The following AMOTL1 variants were observed in gnomAD, a reference collection of about 807,000 sequenced individuals.
AMOTL1 encodes the protein angiomotin-like protein 1.
AMOTL1 carries 45 observed loss-of-function variants against 102.9 expected under a neutral mutation model. The ratio of observed to expected loss-of-function variants is 0.44; its 90% CI spans 0.34 to 0.56. The LOEUF is 0.56. Ranked by LOEUF, AMOTL1 falls within the 20% of genes least tolerant of loss-of-function variation. The probability of loss-of-function intolerance (pLI) is 0.01; values close to 1 mark genes in which losing one functional copy is unlikely to be tolerated. For missense variants in AMOTL1, 1,114 were observed against 1,225.6 expected (o/e 0.91, Z 1.36); for synonymous variants, 481 against 484.7 (o/e 0.99, Z 0.10).
At chr11:94,746,856 ATTC>A (rs1271012695) in intron 3 of AMOTL1, among the ~76,000 whole-genome samples, 4 of 152,122 alleles carry the variant, frequency 2.6e-5, no homozygotes, top group African/African-American at 9.7e-5. Context: ...TGGCCACCTT[ATTC>A]TTCTTTGTAA....
intron 2 of AMOTL1, among the ~76,000 whole-genome samples, chr11:94,738,228 C>T (rs74781564): frequency 0.032 from 4,804 of 149,652 alleles, 258 homozygotes; most frequent in African/African-American, 0.11. Flanking sequence ...GGACATGAAT[C>T]GAAAATAAGA....
At chr11:94,823,606 T>G (rs555637415) in intron 4 of AMOTL1, among the ~76,000 whole-genome samples, 1 of 152,316 alleles carries the variant, frequency 6.6e-6, no homozygotes, top group South Asian at 2.1e-4. Flanking sequence ...CAGACCCACT[T>G]GAAGGCAGAG....
Position 94,830,214 on chromosome 11 carries a change from C to G in AMOTL1, c.1558+20C>G, listed in dbSNP as rs780031312. The G allele has an allele frequency of 1.9e-6, 3 of 1,581,692 alleles. No homozygotes were observed. Among genetic ancestry groups the G allele is most frequent in the African/African-American group, 1.4e-5 (1 of 73,488 alleles). ...TCCGAGGCAGGTTTATTCATGTTCTCTCTATCTAAACTACCTGTAGAGTTT... is the reference window on the plus strand; with the variant it reads ...TCCGAGGCAGGTTTATTCATGTTCTGTCTATCTAAACTACCTGTAGAGTTT... On this transcript the variant is annotated intron_variant, in intron 5 of 12. Coordinates refer to ENST00000433060, the MANE Select transcript of AMOTL1 (RefSeq NM_130847.3).
intron 1 of AMOTL1, among the ~76,000 whole-genome samples, chr11:94,782,146 C>A (rs1217533995): frequency 1.3e-5 from 2 of 152,140 alleles, no homozygotes; most frequent in Non-Finnish European, 2.9e-5. Flanking sequence ...AGATGCTTTT[C>A]TCATGGAATC....
rs1286962118 is a variant in AMOTL1, at chr11:94,850,137, G to A, written c.1672G>A (p.Glu558Lys). 1 of 1,582,384 alleles carries A rather than the reference G, an allele frequency of 6.3e-7. No individual in the cohort carries two copies. Among genetic ancestry groups the A allele is most frequent in the Non-Finnish European group, 8.6e-7 (1 of 1,163,464 alleles). ...SQNKEFLKEK[E>K]KLEMELAAVR... ...AGACAAAGAATTCTTGAAGGAAAAG[G>A]AGAAATTAGAAATGGAGTTAGCAGC... Residue 558 changes from glutamate (E) to lysine (K), a missense_variant, in exon 7 of 13, where the codon GAG becomes AAG. Glu to Lys is a moderately conservative substitution (Grantham distance 56, BLOSUM62 1). Coordinates refer to ENST00000433060, the MANE Select transcript of AMOTL1 (RefSeq NM_130847.3).
chr11:94,747,143 T>C (rs1950598710), intron 3 of AMOTL1, among the ~76,000 whole-genome samples: 2 of 152,160 alleles, frequency 1.3e-5, no homozygotes, highest in African/African-American at 4.8e-5. Flanking sequence ...TTTAGTTTTT[T>C]AGTATAAAAG....
At chr11:94,775,713 T>G (rs906425545) in intron 1 of AMOTL1, among the ~76,000 whole-genome samples, 2 of 152,242 alleles carry the variant, frequency 1.3e-5, no homozygotes, top group African/African-American at 4.8e-5. Flanking sequence ...AGTGTTGTTC[T>G]ATAGTGAGAT....
At chr11:94,859,949 C>T (rs1952742393) in intron 9 of AMOTL1, among the ~76,000 whole-genome samples, 1 of 151,872 alleles carries the variant, frequency 6.6e-6, no homozygotes, top group African/African-American at 2.4e-5. Flanking sequence ...AGATATTTAT[C>T]TTAAAAAAAT....
At chr11:94,850,424 G>A (rs914058967) in intron 7 of AMOTL1, among the ~76,000 whole-genome samples, 165 bp downstream of exon 7, 1 of 152,190 alleles carries the variant, frequency 6.6e-6, no homozygotes, top group Non-Finnish European at 1.5e-5. Flanking sequence ...TAAAAACAGA[G>A]TCTATGCATT....
At chr11:94,835,455 T>C (rs1389367301) in intron 6 of AMOTL1, among the ~76,000 whole-genome samples, 2 of 152,228 alleles carry the variant, frequency 1.3e-5, no homozygotes, top group Non-Finnish European at 2.9e-5. Context: ...TTAAAACTGT[T>C]TCTTTCGAAA....
At chr11:94,821,238 T>G (rs1381762148) in intron 3 of AMOTL1, among the ~76,000 whole-genome samples, 1 of 152,210 alleles carries the variant, frequency 6.6e-6, no homozygotes, top group East Asian at 1.9e-4. Flanking sequence ...CCTTATTCTT[T>G]GGAGAGTACT....
rs934265909 is a variant in AMOTL1, at chr11:94,872,206, T to G, written c.*1411T>G. On this transcript the variant is annotated 3_prime_UTR_variant, in exon 13 of 13. Transcript: ENST00000433060. ...GTCCATTAGACCTCTGCTGTGACAT[T>G]GCATATTCAGCTCTGCAGACACTGG... 1 of 152,062 alleles carries G rather than the reference T, an allele frequency of 6.6e-6. No homozygotes were observed. Among genetic ancestry groups the G allele is most frequent in the Non-Finnish European group, 1.5e-5 (1 of 68,012 alleles). 9.4% of individuals were successfully genotyped at this position (152,062 alleles called of 1,614,324 possible).
chr11:94,707,272 G>GTGTA (rs1349616116), intron 1 of AMOTL1, among the ~76,000 whole-genome samples: 1 of 151,624 alleles, frequency 6.6e-6, no homozygotes, highest in African/African-American at 2.4e-5. Flanking sequence ...GTGTGTGTGT[G>GTGTA]TGTGTGTGTG....
At chr11:94,779,120 A>G (rs1951070288) in intron 1 of AMOTL1, among the ~76,000 whole-genome samples, 1 of 152,208 alleles carries the variant, frequency 6.6e-6, no homozygotes, top group Non-Finnish European at 1.5e-5. Flanking sequence ...CATGTATTAA[A>G]CTGCTACAGT....
At chr11:94,817,722 C>T (rs2135617529) in intron 3 of AMOTL1, among the ~76,000 whole-genome samples, 1 of 152,226 alleles carries the variant, frequency 6.6e-6, no homozygotes, top group East Asian at 1.9e-4. Context: ...AGGACTCTGA[C>T]AGTTGTTCTT....
intron 6 of AMOTL1, among the ~76,000 whole-genome samples, chr11:94,842,833 C>G (rs1952333735): frequency 1.3e-5 from 2 of 152,196 alleles, no homozygotes; most frequent in African/African-American, 4.8e-5. Flanking sequence ...TCTCTCCCTT[C>G]CCTCCCTTCC....
intron 3 of AMOTL1, among the ~76,000 whole-genome samples, chr11:94,748,887 T>C (rs570684148): frequency 1.3e-5 from 2 of 152,312 alleles, no homozygotes; most frequent in African/African-American, 4.8e-5. Context: ...TGGGACAATA[T>C]GGCTGTGTGA....
At position 94,769,108 on chromosome 11, in the gene AMOTL1, C is replaced by T. The variant is rs576823795; in HGVS notation, c.49+548C>T. 4.5e-3 allele frequency among the ~76,000 whole-genome samples: 690 copies of T among 152,294 alleles called. 13 individuals are homozygous for T. The highest frequency in any genetic ancestry group is 0.016 in the African/African-American group (659 of 41,578). ...ACCCCAGCCCCAGACGCTCGGATCG[C>T]GTTAGCTGCTGCTCCTTCTTTGTTC... On this transcript the variant is annotated intron_variant, in intron 1 of 12. Transcript: ENST00000433060.
At chr11:94,775,396 A>G (rs961103609) in intron 1 of AMOTL1, among the ~76,000 whole-genome samples, 1 of 152,182 alleles carries the variant, frequency 6.6e-6, no homozygotes, top group African/African-American at 2.4e-5. Context: ...GTAAGGACCA[A>G]AGGAGAGCCC....
Sources: allele counts gnomAD v4.1 joint callset (sites outside exome capture counted in the v4.1 genomes callset), GRCh38; gene constraint gnomAD v4.1.1; transcripts MANE v1.5; gene names NCBI Gene and HGNC (gene_info 2026-07-23, HGNC 2026-07-21).